CLPB: variants seen among roughly 807,000 people sequenced by gnomAD.
The protein encoded by CLPB is ClpB family mitochondrial disaggregase.
A neutral mutation model predicts 78.4 loss-of-function variants in CLPB; 40 were observed. The observed-to-expected ratio is 0.51, with a 90% CI of 0.40 to 0.66. The LOEUF (loss-of-function observed/expected upper bound fraction) is 0.66. CLPB is among the 30% of genes least tolerant of loss of function. The pLI, the probability that CLPB is intolerant of heterozygous loss-of-function variation, is 0.00. For missense variants in CLPB, 780 were observed against 886.9 expected (o/e 0.88, Z 1.53); for synonymous variants, 333 against 348.0 (o/e 0.96, Z 0.48).
intron 3 of CLPB, among the ~76,000 whole-genome samples, chr11:72,397,236 C>G (rs1052234767): frequency 1.3e-5 from 2 of 152,126 alleles, no homozygotes; most frequent in African/African-American, 4.8e-5. Flanking sequence ...GCTGTTTTTA[C>G]CGTATGGATA....
intron 2 of CLPB, among the ~76,000 whole-genome samples, chr11:72,412,387 A>G (rs1180987826): frequency 1.3e-5 from 2 of 152,234 alleles, no homozygotes; most frequent in African/African-American, 4.8e-5. Context: ...AGTACCTACC[A>G]CAAATGCCAA....
chr11:72,388,354 C>T (rs1371464485), intron 3 of CLPB, among the ~76,000 whole-genome samples: 2 of 151,710 alleles, frequency 1.3e-5, no homozygotes, highest in Non-Finnish European at 2.9e-5. Context: ...GGGTTCACAC[C>T]ATTCTCCTGC....
chr11:72,329,814 G>C lies in CLPB; in HGVS notation c.776-10C>G, dbSNP rs141271919. On this transcript the variant is annotated splice_polypyrimidine_tract_variant and intron_variant, in intron 5 of 15. Transcript: ENST00000538039. ...TGCAGGGGGTTGGCTCCTGGCAAGA[G>C]AAGAAGGATAAACAGAGGCTCTATG... 1.9e-4 allele frequency: 309 copies of C among 1,605,626 alleles called. 3 individuals carry two copies. The East Asian group carries it at 5.7e-3, about 30-fold the overall frequency.
rs150246657 is a variant in CLPB at position 72,355,502 on chromosome 11, G to A, written c.775+3378C>T. Among the ~76,000 whole-genome samples the A allele has an allele frequency of 2.0e-3, 308 of 152,288 alleles. 1 individual carries two copies. The highest frequency in any genetic ancestry group is 6.5e-3 in the African/African-American group (272 of 41,568). On this transcript the variant is annotated intron_variant, in intron 5 of 15. Coordinates refer to ENST00000538039, the MANE Select transcript of CLPB (RefSeq NM_001258392.3). Reference sequence around the variant, plus strand: ...GGAACCTACCATGTGCCTGCCAGGGGCTTTCATAAAAAATACCACCAATCC... The same window carrying A: ...GGAACCTACCATGTGCCTGCCAGGGACTTTCATAAAAAATACCACCAATCC...
chr11:72,356,971 T>A (rs1360623153), intron 5 of CLPB: 1 of 152,252 alleles, frequency 6.6e-6, no homozygotes, highest in Non-Finnish European at 1.5e-5. Context: ...CACAGAGTTT[T>A]CCAACGGACA....
At chr11:72,428,204 G>A (rs770763640) in intron 2 of CLPB, among the ~76,000 whole-genome samples, 7 of 152,160 alleles carry the variant, frequency 4.6e-5, no homozygotes, top group Non-Finnish European at 8.8e-5. Context: ...GAGGGGGAGG[G>A]AAGGATGTCC....
intron 15 of CLPB, 137 bp from the exon 16 acceptor site, chr11:72,293,752 C>T: frequency 1.9e-6 from 2 of 1,081,082 alleles, no homozygotes; most frequent in Non-Finnish European, 2.6e-6. Context: ...CCAATTGGGG[C>T]TAATAACAGC....
chr11:72,378,880 G>T (rs1854807978), intron 4 of CLPB, among the ~76,000 whole-genome samples: 2 of 152,170 alleles, frequency 1.3e-5, no homozygotes, highest in Admixed American at 1.3e-4. Flanking sequence ...CCATACAAGA[G>T]GCCAAGATCT....
chr11:72,356,725 T>G (rs1950723933), intron 5 of CLPB, among the ~76,000 whole-genome samples: 1 of 152,168 alleles, frequency 6.6e-6, no homozygotes. Flanking sequence ...AGCCTTGGCC[T>G]GGGGGTGAGG....
chr11:72,389,156 T>G (rs1188955423), intron 3 of CLPB, among the ~76,000 whole-genome samples: 2 of 152,164 alleles, frequency 1.3e-5, no homozygotes, highest in Non-Finnish European at 2.9e-5. Context: ...ACAATGGAAA[T>G]GGAATTATTT....
At chr11:72,298,789 T>C (rs1465594604) in intron 11 of CLPB, among the ~76,000 whole-genome samples, 1 of 152,230 alleles carries the variant, frequency 6.6e-6, no homozygotes, top group African/African-American at 2.4e-5. Context: ...TGACCCATCA[T>C]GCCTGGCCTG....
chr11:72,330,789 C>T (rs1278570839), intron 5 of CLPB, among the ~76,000 whole-genome samples: 1 of 152,136 alleles, frequency 6.6e-6, no homozygotes, highest in Non-Finnish European at 1.5e-5. Context: ...ATGTGTGTTA[C>T]ACAGAACATT....
intron 9 of CLPB, among the ~76,000 whole-genome samples, chr11:72,306,134 C>T (rs566165339): frequency 2.4e-4 from 37 of 152,344 alleles, no homozygotes; most frequent in African/African-American, 8.4e-4. Flanking sequence ...AGTGGGTCTG[C>T]TCCAGGTTTG....
At chr11:72,356,415 G>A (rs923353388) in intron 5 of CLPB, among the ~76,000 whole-genome samples, 1 of 152,020 alleles carries the variant, frequency 6.6e-6, no homozygotes, top group African/African-American at 2.4e-5. Context: ...TAGAATGATA[G>A]AGCAGGATCC....
chr11:72,338,130 G>A (rs976817801), intron 5 of CLPB, among the ~76,000 whole-genome samples: 2 of 152,214 alleles, frequency 1.3e-5, no homozygotes, highest in Non-Finnish European at 2.9e-5. Flanking sequence ...ACTCAGAGTA[G>A]TGAAAGACAG....
chr11:72,320,131 C>A (rs182254836), intron 6 of CLPB, among the ~76,000 whole-genome samples: 2 of 152,210 alleles, frequency 1.3e-5, no homozygotes, highest in Non-Finnish European at 2.9e-5. Flanking sequence ...GTTTTCCTTA[C>A]GTGATAGAGA....
chr11:72,353,191 G>C (rs529814842), intron 5 of CLPB: 1 of 152,388 alleles, frequency 6.6e-6, no homozygotes, highest in South Asian at 2.1e-4. Flanking sequence ...AGGGATGGTG[G>C]GGAATTTAAG....
In CLPB at chr11:72,419,214, G is replaced by A. The variant is rs138744671; in HGVS notation, c.455+11098C>T. Among the ~76,000 whole-genome samples the A allele has an allele frequency of 5.4e-4, 83 of 152,302 alleles. 1 individual carries two copies. The East Asian group carries it at 0.015, about 27-fold the overall frequency. On this transcript the variant is annotated intron_variant, in intron 2 of 15. Transcript: ENST00000538039. ...AGAAAAATTCCAGTTGGTTCTGGCGGTGCTGACATGAATTGCGTTATGATT... is the reference window on the plus strand; with the variant it reads ...AGAAAAATTCCAGTTGGTTCTGGCGATGCTGACATGAATTGCGTTATGATT...
chr11:72,367,704 A>G (rs756039354), intron 4 of CLPB, among the ~76,000 whole-genome samples: 1 of 152,120 alleles, frequency 6.6e-6, no homozygotes, highest in Non-Finnish European at 1.5e-5. Context: ...ACACCCCAGC[A>G]TCATGCAATA....
Sources: allele counts gnomAD v4.1 joint callset (sites outside exome capture counted in the v4.1 genomes callset), GRCh38; gene constraint gnomAD v4.1.1; transcripts MANE v1.5; gene names NCBI Gene and HGNC (gene_info 2026-07-23, HGNC 2026-07-21).